SLC19A3: variants seen among roughly 807,000 people sequenced by gnomAD.
SLC19A3 encodes thiamine transporter 2.
A neutral mutation model predicts 40.2 loss-of-function variants in SLC19A3; 31 were observed. That is an observed-to-expected ratio of 0.77 (90% CI 0.58 to 1.04). The LOEUF is 1.04. Ranked by LOEUF, SLC19A3 falls within the 50% of genes least tolerant of loss-of-function variation. The pLI is 0.00. For synonymous variants in SLC19A3, 212 were observed against 227.5 expected, an observed-to-expected ratio of 0.93 and a Z score of 0.61; for missense variants, 592 against 596.7, an observed-to-expected ratio of 0.99 and a Z score of 0.08.
intron 5 of SLC19A3, 71 bp from the exon 6 acceptor site, chr2:227,687,644 CT>C: frequency 2.0e-6 from 3 of 1,529,630 alleles, no homozygotes; most frequent in Non-Finnish European, 2.7e-6. Flanking sequence ...CATCCTAATA[CT>C]GTTGGTTTGC....
intron 1 of SLC19A3, among the ~76,000 whole-genome samples, chr2:227,704,781 G>C (rs1362402039): frequency 6.6e-6 from 1 of 152,098 alleles, no homozygotes; most frequent in Non-Finnish European, 1.5e-5. Flanking sequence ...GTGAGATCTT[G>C]TCTCAAAAAT....
intron 3 of SLC19A3, among the ~76,000 whole-genome samples, chr2:227,698,492 G>T (rs1390283534): frequency 6.6e-6 from 1 of 152,046 alleles, no homozygotes; most frequent in Non-Finnish European, 1.5e-5. Flanking sequence ...GTAGAGACGG[G>T]GTTTCACTGC....
chr2:227,699,769 C>G (rs769896733), intron 2 of SLC19A3, among the ~76,000 whole-genome samples: 1 of 152,056 alleles, frequency 6.6e-6, no homozygotes, highest in Non-Finnish European at 1.5e-5. Flanking sequence ...AGATAAACCC[C>G]GGCAGAAAAA....
At chr2:227,709,847 T>A (rs1696079341) in intron 1 of SLC19A3, among the ~76,000 whole-genome samples, 1 of 152,088 alleles carries the variant, frequency 6.6e-6, no homozygotes, top group African/African-American at 2.4e-5. Context: ...ATGCCAGTAA[T>A]TTGGAAGGAA....
rs1695065328 is a variant in SLC19A3 at position 227,687,569 on chromosome 2, A to G, written c.1319T>C (p.Leu440Ser). The G allele has an allele frequency of 6.2e-7, 1 of 1,613,806 alleles. No individual in the cohort carries two copies. Among genetic ancestry groups the G allele is most frequent in the Non-Finnish European group, 8.5e-7 (1 of 1,179,842 alleles). Residue 440 changes from leucine (L) to serine (S), a missense_variant, in exon 6 of 6, where the codon TTA (leucine) becomes TCA (serine). Coordinates refer to ENST00000644224, the MANE Select transcript of SLC19A3 (RefSeq NM_025243.4). ...GLNLPVSIQF[L>S]VYGSYFAVIA... ...TACTGCAAAATAGCTCCCATAAACTAAAAACTGGAGAAAAACAAATAATTA... is the reference window on the plus strand; with the variant it reads ...TACTGCAAAATAGCTCCCATAAACTGAAAACTGGAGAAAAACAAATAATTA...
Position 227,685,942 on chromosome 2 carries a change from A to C in SLC19A3, c.*1455T>G. ...CCAGGCATGGTGGCTCACGCCTGTA[A>C]TCTCAGCTCTTTGGGAGGCCGAGGC... is the stretch of plus-strand genomic sequence containing the variant. On this transcript the variant is annotated 3_prime_UTR_variant, in exon 6 of 6. Transcript: ENST00000644224. 1 of 189,964 alleles carries C rather than the reference A, an allele frequency of 5.3e-6. No homozygotes were observed. The highest frequency in any genetic ancestry group is 7.2e-5 in the South Asian group (1 of 13,880). 11.8% of individuals were successfully genotyped at this position (189,964 alleles called of 1,614,324 possible). A position where few individuals can be genotyped will look rare whatever the true frequency, so the allele number is the denominator to read the frequency against.
At chr2:227,688,342 A>G in intron 4 of SLC19A3, 35 bp from the exon 5 acceptor site, 1 of 1,595,124 alleles carries the variant, frequency 6.3e-7, no homozygotes, top group Middle Eastern at 1.7e-4. Flanking sequence ...TTTAACTATA[A>G]TATACATGGA....
intron 4 of SLC19A3, among the ~76,000 whole-genome samples, chr2:227,690,706 C>CAAAAAAAAAAAAAAAAAAAAAAAAA (rs34163746): frequency 1.0e-4 from 4 of 39,164 alleles, no homozygotes; most frequent in African/African-American, 3.8e-4. Context: ...GACTCCATCT[C>CAAAAAAAAAAAAAAAAAAAAAAAAA]AAAAAAAAAA....
chr2:227,710,729 T>A (rs1009011573), intron 1 of SLC19A3, among the ~76,000 whole-genome samples: 6 of 152,236 alleles, frequency 3.9e-5, no homozygotes, highest in African/African-American at 1.4e-4. Context: ...AGGGTCATTA[T>A]GAATAAAAAG....
At chr2:227,713,987 G>A (rs963690050) in intron 1 of SLC19A3, among the ~76,000 whole-genome samples, 10 of 152,036 alleles carry the variant, frequency 6.6e-5, no homozygotes, top group African/African-American at 2.4e-5. Flanking sequence ...AGGTGGGGGT[G>A]GGTAAGAATT....
At chr2:227,705,700 G>A (rs1695904666) in intron 1 of SLC19A3, among the ~76,000 whole-genome samples, 1 of 152,096 alleles carries the variant, frequency 6.6e-6, no homozygotes, top group Non-Finnish European at 1.5e-5. Flanking sequence ...CGAACAACAT[G>A]CCCTCGGGTC....
chr2:227,713,602 G>T (rs1574582491), intron 1 of SLC19A3, among the ~76,000 whole-genome samples: 1 of 152,190 alleles, frequency 6.6e-6, no homozygotes, highest in East Asian at 1.9e-4. Flanking sequence ...CTCTGACCAT[G>T]TGATACCTGC....
chr2:227,702,410 T>C, intron 1 of SLC19A3, 90 bp from the exon 2 acceptor site: 2 of 1,137,002 alleles, frequency 1.8e-6, no homozygotes, highest in Non-Finnish European at 1.3e-6. Context: ...TTTTTTTTTT[T>C]TGAGATGGAG....
At chr2:227,717,617 T>C (rs1450049881) in intron 1 of SLC19A3, among the ~76,000 whole-genome samples, 1 of 152,238 alleles carries the variant, frequency 6.6e-6, no homozygotes, top group Non-Finnish European at 1.5e-5. Context: ...TGGAATTCTA[T>C]GCTAAAATGC....
intron 1 of SLC19A3, among the ~76,000 whole-genome samples, chr2:227,711,931 T>C (rs1332413611): frequency 3.3e-5 from 5 of 151,148 alleles, no homozygotes; most frequent in Admixed American, 2.7e-4. Flanking sequence ...AAGCCTGTAA[T>C]CCCAGCTACT....
At chr2:227,698,614 G>T in intron 3 of SLC19A3, 122 bp downstream of exon 3, 1 of 937,518 alleles carries the variant, frequency 1.1e-6, no homozygotes, top group Non-Finnish European at 1.7e-6. Context: ...TTTCATTCTT[G>T]ACTGAAAAAA....
intron 1 of SLC19A3, chr2:227,702,677 G>A: frequency 3.9e-6 from 1 of 259,714 alleles, no homozygotes; most frequent in Non-Finnish European, 7.6e-6. Context: ...GCCCAATAGA[G>A]GATCTCATTT....
chr2:227,689,715 T>C (rs1040683637), intron 4 of SLC19A3, among the ~76,000 whole-genome samples: 5 of 152,166 alleles, frequency 3.3e-5, no homozygotes, highest in Non-Finnish European at 5.9e-5. Context: ...CAGAATATTA[T>C]CACACTGTAA....
chr2:227,714,422 C>T (rs906545576), intron 1 of SLC19A3: 1 of 985,182 alleles, frequency 1.0e-6, no homozygotes, highest in African/African-American at 1.7e-5. Flanking sequence ...ATCTCAGAAG[C>T]TGAGGCAGGA....
Sources: allele counts gnomAD v4.1 joint callset (sites outside exome capture counted in the v4.1 genomes callset), GRCh38; gene constraint gnomAD v4.1.1; transcripts MANE v1.5; gene names NCBI Gene and HGNC (gene_info 2026-07-23, HGNC 2026-07-21).